Variants in PRKAG2 observed in about 807,000 individuals in gnomAD.
PRKAG2 encodes the protein protein kinase AMP-activated non-catalytic subunit gamma 2, also known as 5'-AMP-activated protein kinase subunit gamma-2.
Under a neutral mutation model 69.6 loss-of-function variants are expected in PRKAG2, and 26 were observed. The ratio of observed to expected loss-of-function variants is 0.37; its 90% CI spans 0.27 to 0.52. The LOEUF (loss-of-function observed/expected upper bound fraction) is 0.52, where lower values mean the gene tolerates loss of function less well. Ranked by LOEUF, PRKAG2 falls within the 20% of genes least tolerant of loss-of-function variation. The pLI, the probability that PRKAG2 is intolerant of heterozygous loss-of-function variation, is 0.90. For missense variants in PRKAG2, 557 were observed against 740.0 expected (o/e 0.75, Z 2.87); for synonymous variants, 293 against 285.0 (o/e 1.03, Z -0.28).
At chr7:151,790,986 C>T (rs953352355) in intron 1 of PRKAG2, among the ~76,000 whole-genome samples, 8 of 152,220 alleles carry the variant, frequency 5.3e-5, no homozygotes, top group African/African-American at 1.4e-4. Flanking sequence ...GCAGGTCCCA[C>T]GCAGGTGTCT....
intron 3 of PRKAG2, among the ~76,000 whole-genome samples, chr7:151,713,393 C>A (rs561169568): frequency 6.6e-6 from 1 of 152,030 alleles, no homozygotes; most frequent in Non-Finnish European, 1.5e-5. Flanking sequence ...TGTGAATCAG[C>A]GGTTTTTGAA....
chr7:151,640,344 C>T (rs961750943), intron 4 of PRKAG2, among the ~76,000 whole-genome samples: 5 of 152,084 alleles, frequency 3.3e-5, no homozygotes, highest in Non-Finnish European at 7.4e-5. Context: ...TTATTATTCA[C>T]TAACTTAGAA....
At chr7:151,762,950 A>G (rs1309626006) in intron 3 of PRKAG2, among the ~76,000 whole-genome samples, 1 of 152,200 alleles carries the variant, frequency 6.6e-6, no homozygotes, top group Non-Finnish European at 1.5e-5. Flanking sequence ...CGTCCCCCAA[A>G]GCAAATAAGC....
chr7:151,708,657 C>T (rs1219091066), intron 3 of PRKAG2, among the ~76,000 whole-genome samples: 1 of 152,136 alleles, frequency 6.6e-6, no homozygotes, highest in Non-Finnish European at 1.5e-5. Context: ...TGTCGTACCC[C>T]GTGTTAGCCA....
Position 151,814,436 on chromosome 7 carries a change from A to C in PRKAG2, c.115-27895T>G. Reference sequence around the variant, plus strand: ...CTTACTCAGCCCCAAGGGGTCCTGGAGGTCTTCTCTTCCAGATGCTAATAA... The same window carrying C: ...CTTACTCAGCCCCAAGGGGTCCTGGCGGTCTTCTCTTCCAGATGCTAATAA... On this transcript the variant is annotated intron_variant, in intron 1 of 15. Transcript: ENST00000287878. This position sits in a 1 kb window ranked among gnomAD's most constrained non-coding sequence, Gnocchi z 4.8. 1 of 1,229,124 alleles carries C rather than the reference A, an allele frequency of 8.1e-7. No homozygotes were observed. The highest frequency in any genetic ancestry group is 1.0e-6 in the Non-Finnish European group (1 of 986,898). 76.1% of individuals were successfully genotyped at this position (1,229,124 alleles called of 1,614,324 possible).
At chr7:151,799,235 C>T (rs1343283581) in intron 1 of PRKAG2, among the ~76,000 whole-genome samples, 2 of 152,186 alleles carry the variant, frequency 1.3e-5, no homozygotes, top group Non-Finnish European at 2.9e-5. Context: ...TGCTCAGAGC[C>T]ACATGGTAGA....
chr7:151,668,418 C>G (rs915400063), intron 4 of PRKAG2, among the ~76,000 whole-genome samples: 28 of 152,228 alleles, frequency 1.8e-4, no homozygotes, highest in African/African-American at 5.8e-4. Context: ...CTGCTGGATA[C>G]ATGAATCAGC....
Position 151,622,357 on chromosome 7 carries a change from C to T in PRKAG2, c.754+9712G>A, listed in dbSNP as rs577942169. Reference sequence around the variant, plus strand: ...TATAATGGATCTTTCTGTTGTGCGTCCTCTGACAGTTTCTACTATGGCGTG... The same window carrying T: ...TATAATGGATCTTTCTGTTGTGCGTTCTCTGACAGTTTCTACTATGGCGTG... On this transcript the variant is annotated intron_variant, in intron 5 of 15. Transcript: ENST00000287878. Among the ~76,000 whole-genome samples the T allele has an allele frequency of 7.9e-5, 12 of 152,324 alleles. No homozygotes were observed. The South Asian group carries it at 1.9e-3, about 24-fold the overall frequency.
In PRKAG2 at chr7:151,625,244, C is replaced by T. The variant is rs557464521; in HGVS notation, c.754+6825G>A. 2.7e-3 allele frequency among the ~76,000 whole-genome samples: 413 copies of T among 152,226 alleles called. 6 individuals carry two copies. Among genetic ancestry groups the T allele is most frequent in the Admixed American group, 3.1e-3 (47 of 15,298 alleles). On this transcript the variant is annotated intron_variant, in intron 5 of 15. Transcript: ENST00000287878. ...CATCTAACCTGAGACTTGGAGAAAA[C>T]GAGCAGGTGGCCAAAGGAGAGGAAG... is the stretch of plus-strand genomic sequence containing the variant.
intron 3 of PRKAG2, among the ~76,000 whole-genome samples, chr7:151,744,113 G>A (rs868624329): frequency 1.3e-5 from 2 of 152,148 alleles, no homozygotes; most frequent in South Asian, 2.1e-4. Flanking sequence ...GCGTGAAGGC[G>A]ACCACCCTTC....
rs114917853 is a variant in PRKAG2 at position 151,613,438 on chromosome 7, T to C, written c.755-17984A>G. Reference sequence around the variant, plus strand: ...GCTCAACTGGTATGTATGATGCAAATACTCAAAAATCTGAAAAAATACTAA... The same window carrying C: ...GCTCAACTGGTATGTATGATGCAAACACTCAAAAATCTGAAAAAATACTAA... On this transcript the variant is annotated intron_variant, in intron 5 of 15. Transcript: ENST00000287878. Among the ~76,000 whole-genome samples, 349 of 152,272 alleles carry C rather than the reference T, an allele frequency of 2.3e-3. 1 individual carries two copies. Among genetic ancestry groups the C allele is most frequent in the African/African-American group, 7.7e-3 (322 of 41,552 alleles).
At chr7:151,569,114 G>A (rs1209859520) in intron 10 of PRKAG2, among the ~76,000 whole-genome samples, 1 of 152,006 alleles carries the variant, frequency 6.6e-6, no homozygotes, top group Admixed American at 6.5e-5. Flanking sequence ...GTTGCCTGCC[G>A]TCATGGCTCA....
chr7:151,810,673 T>C (rs931681843), intron 1 of PRKAG2: 2 of 153,682 alleles, frequency 1.3e-5, no homozygotes, highest in Non-Finnish European at 2.9e-5. Context: ...TTTACTGGAA[T>C]CTGCACAGCC....
chr7:151,818,207 ATCTC>A (rs1358891639), intron 1 of PRKAG2, among the ~76,000 whole-genome samples: 2 of 152,212 alleles, frequency 1.3e-5, no homozygotes, highest in African/African-American at 4.8e-5. Context: ...TGACAGGAAA[ATCTC>A]AAATGATGCA....
intron 5 of PRKAG2, among the ~76,000 whole-genome samples, chr7:151,623,007 G>T (rs1160079927): frequency 1.3e-5 from 2 of 152,070 alleles, no homozygotes; most frequent in African/African-American, 2.4e-5. Context: ...TTCCATGGAT[G>T]GGGGAGCAGG....
intron 5 of PRKAG2, among the ~76,000 whole-genome samples, chr7:151,624,545 T>C (rs149162605): frequency 1.3e-5 from 2 of 152,136 alleles, no homozygotes; most frequent in African/African-American, 2.4e-5. Flanking sequence ...TCCCTTTTCA[T>C]ATCAGAGATG....
rs550266188 is a variant in PRKAG2 at position 151,815,604 on chromosome 7, C to G, written c.115-29063G>C. Reference sequence around the variant, plus strand: ...CCTCTGCCTCCTGCCCAACCCCGTGCTTCCCCACGTGGCAGTGGTGTGCCT... The same window carrying G: ...CCTCTGCCTCCTGCCCAACCCCGTGGTTCCCCACGTGGCAGTGGTGTGCCT... On this transcript the variant is annotated intron_variant, in intron 1 of 15. Coordinates refer to ENST00000287878, the MANE Select transcript of PRKAG2 (RefSeq NM_016203.4). 1.8e-4 allele frequency among the ~76,000 whole-genome samples: 27 copies of G among 152,352 alleles called. No homozygotes were observed. The South Asian group carries it at 5.6e-3, about 32-fold the overall frequency.
chr7:151,779,179 TTG>T (rs2076548390), intron 3 of PRKAG2, among the ~76,000 whole-genome samples: 1 of 152,180 alleles, frequency 6.6e-6, no homozygotes, highest in Non-Finnish European at 1.5e-5. Flanking sequence ...CTTTAAGAAA[TTG>T]ATATGGTTTC....
At chr7:151,855,453 AT>A (rs2079734809) in intron 1 of PRKAG2, among the ~76,000 whole-genome samples, 1 of 5,838 alleles carries the variant, frequency 1.7e-4, no homozygotes, top group African/African-American at 7.4e-4. Flanking sequence ...CACACACACC[AT>A]CCTCCACACA....
Sources: allele counts gnomAD v4.1 joint callset (sites outside exome capture counted in the v4.1 genomes callset), GRCh38; gene constraint gnomAD v4.1.1; non-coding constraint Gnocchi (gnomAD v3.1); transcripts MANE v1.5; gene names NCBI Gene and HGNC (gene_info 2026-07-23, HGNC 2026-07-21).